Variants in SKAP1 observed in about 807,000 individuals in gnomAD.
SKAP1 encodes the protein src kinase associated phosphoprotein 1.
A neutral mutation model predicts 58.5 loss-of-function variants in SKAP1; 44 were observed. The observed-to-expected ratio is 0.75, with a 90% CI of 0.59 to 0.97. SKAP1 has a LOEUF of 0.97. SKAP1 is among the 50% of genes least tolerant of loss of function. The probability of loss-of-function intolerance (pLI) is 0.00; values close to 1 mark genes in which losing one functional copy is unlikely to be tolerated. For synonymous variants in SKAP1, 127 were observed against 149.7 expected, an observed-to-expected ratio of 0.85 and a Z score of 1.11; for missense variants, 390 against 435.2, an observed-to-expected ratio of 0.90 and a Z score of 0.92.
Position 48,305,111 on chromosome 17 carries a change from A to G in SKAP1, c.280+40794T>C, listed in dbSNP as rs79310299. 1.8e-3 allele frequency among the ~76,000 whole-genome samples: 280 copies of G among 152,344 alleles called. 4 individuals carry two copies. Among genetic ancestry groups the G allele is most frequent in the Admixed American group, 0.012 (188 of 15,292 alleles). On this transcript the variant is annotated intron_variant, in intron 4 of 12. Coordinates refer to ENST00000336915, the MANE Select transcript of SKAP1 (RefSeq NM_003726.4). Reference sequence around the variant, plus strand: ...ATTTCTAAATGGTTGGAGAAAAATCATATCTTGACATGTGAAAATTATATG... The same window carrying G: ...ATTTCTAAATGGTTGGAGAAAAATCGTATCTTGACATGTGAAAATTATATG...
chr17:48,383,707 C>G (rs1462011383), intron 2 of SKAP1, among the ~76,000 whole-genome samples: 1 of 137,126 alleles, frequency 7.3e-6, no homozygotes, highest in South Asian at 2.3e-4. Context: ...ACTCTTAAAT[C>G]TCTGCCCTTT....
chr17:48,250,645 G>A (rs1396060028), intron 4 of SKAP1, among the ~76,000 whole-genome samples: 1 of 151,682 alleles, frequency 6.6e-6, no homozygotes. Context: ...CTAAATATGC[G>A]ATCTTCTCGT....
intron 1 of SKAP1, among the ~76,000 whole-genome samples, chr17:48,415,823 C>T (rs1353322157): frequency 1.3e-5 from 2 of 152,020 alleles, no homozygotes; most frequent in African/African-American, 4.8e-5. Flanking sequence ...ATTCCCCAGT[C>T]ACAAGTACCA....
intron 4 of SKAP1, among the ~76,000 whole-genome samples, chr17:48,312,526 A>T (rs2066235413): frequency 6.6e-6 from 1 of 152,346 alleles, no homozygotes; most frequent in Non-Finnish European, 1.5e-5. Context: ...TGTCCTTTAA[A>T]AATAATACCA....
At chr17:48,272,632 T>G (rs2065647724) in intron 4 of SKAP1, among the ~76,000 whole-genome samples, 1 of 152,186 alleles carries the variant, frequency 6.6e-6, no homozygotes, top group Admixed American at 6.5e-5. Flanking sequence ...CTCAGCTTAC[T>G]GCAACCTCTG....
At chr17:48,146,599 G>T (rs1056102567) in intron 11 of SKAP1, among the ~76,000 whole-genome samples, 1 of 151,604 alleles carries the variant, frequency 6.6e-6, no homozygotes, top group African/African-American at 2.4e-5. Flanking sequence ...CTCAAAGGTC[G>T]ACTGCTCTTG....
intron 1 of SKAP1, among the ~76,000 whole-genome samples, chr17:48,423,494 C>T (rs1262557159): frequency 6.6e-6 from 1 of 152,162 alleles, no homozygotes; most frequent in Non-Finnish European, 1.5e-5. Context: ...TCTAGATCAT[C>T]AACTACCAGG....
intron 11 of SKAP1, 113 bp downstream of exon 11, chr17:48,162,356 T>C (rs1017999482): frequency 2.8e-5 from 16 of 573,074 alleles, no homozygotes; most frequent in Admixed American, 1.8e-4. Context: ...TGGGAATTTA[T>C]ATTGTGAGGG....
At chr17:48,328,090 CATCTGGGTTCCATCTCTGCTACATGTGAG>C (rs1476282579) in intron 4 of SKAP1, among the ~76,000 whole-genome samples, 1 of 152,182 alleles carries the variant, frequency 6.6e-6, no homozygotes, top group Non-Finnish European at 1.5e-5. Context: ...GTCTGGCTTT[CATCTGGGTTCCATCTCTGCTACATGTGAG>C]ATGTGTGATC....
At chr17:48,268,277 A>C (rs1302083405) in intron 4 of SKAP1, among the ~76,000 whole-genome samples, 1 of 151,488 alleles carries the variant, frequency 6.6e-6, no homozygotes, top group African/African-American at 2.4e-5. Flanking sequence ...AAAAAAAACA[A>C]AAAACCCACA....
At chr17:48,287,515 A>G (rs534619104) in intron 4 of SKAP1, among the ~76,000 whole-genome samples, 1 of 152,312 alleles carries the variant, frequency 6.6e-6, no homozygotes, top group South Asian at 2.1e-4. Flanking sequence ...CAAAGCAGAA[A>G]CATAGTTCCT....
chr17:48,378,868 C>G (rs970499070), intron 2 of SKAP1, among the ~76,000 whole-genome samples: 1 of 152,134 alleles, frequency 6.6e-6, no homozygotes, highest in African/African-American at 2.4e-5. Context: ...TGTCTGAGTT[C>G]AGTATGAGAC....
chr17:48,359,712 T>C (rs1400243390), intron 3 of SKAP1, among the ~76,000 whole-genome samples: 2 of 152,284 alleles, frequency 1.3e-5, no homozygotes, highest in Admixed American at 1.3e-4. Context: ...GCTTGAGTGA[T>C]CCTCCCACCT....
At chr17:48,392,095 T>C (rs1245412359) in intron 2 of SKAP1, among the ~76,000 whole-genome samples, 1 of 152,186 alleles carries the variant, frequency 6.6e-6, no homozygotes, top group Non-Finnish European at 1.5e-5. Context: ...ACTCCTTGTC[T>C]TTCTTCCTAT....
chr17:48,197,009 A>G (rs1167847473), intron 4 of SKAP1, among the ~76,000 whole-genome samples: 1 of 152,256 alleles, frequency 6.6e-6, no homozygotes, highest in African/African-American at 2.4e-5. Context: ...CTGTAATCCC[A>G]GCACTTTGGG....
At chr17:48,166,793 C>T (rs1260989530) in intron 10 of SKAP1, among the ~76,000 whole-genome samples, 1 of 152,046 alleles carries the variant, frequency 6.6e-6, no homozygotes, top group Non-Finnish European at 1.5e-5. Context: ...TTGGAAGTGA[C>T]TTGAAATGTT....
intron 3 of SKAP1, among the ~76,000 whole-genome samples, chr17:48,361,979 C>T (rs1277646038): frequency 6.6e-6 from 1 of 152,192 alleles, no homozygotes; most frequent in Admixed American, 6.5e-5. Flanking sequence ...ACTCCTCCTA[C>T]CCCTGAAAAT....
chr17:48,394,368 G>C (rs2067389228), intron 2 of SKAP1, among the ~76,000 whole-genome samples: 2 of 151,462 alleles, frequency 1.3e-5, no homozygotes, highest in Admixed American at 1.3e-4. Flanking sequence ...TTGAGACAGA[G>C]TCTCACTTGG....
intron 1 of SKAP1, among the ~76,000 whole-genome samples, chr17:48,405,384 T>TTC (rs1290706159): frequency 2.2e-4 from 34 of 151,692 alleles, no homozygotes; most frequent in African/African-American, 7.7e-4. Context: ...TTTTCTTTTT[T>TTC]TCTCTTTCCT....
Sources: allele counts gnomAD v4.1 joint callset (sites outside exome capture counted in the v4.1 genomes callset), GRCh38; gene constraint gnomAD v4.1.1; transcripts MANE v1.5; gene names NCBI Gene and HGNC (gene_info 2026-07-23, HGNC 2026-07-21).